Variants in ETV1 observed in about 807,000 individuals in gnomAD.
ETV1 encodes the protein ETS variant transcription factor 1.
A neutral mutation model predicts 62.3 loss-of-function variants in ETV1; 27 were observed. The observed-to-expected ratio is 0.43, with a 90% CI of 0.32 to 0.60. ETV1 has a LOEUF of 0.60. Among genes scored for constraint, ETV1 ranks in the 20% least tolerant of loss-of-function variants. ETV1 has a pLI of 0.06. For synonymous variants in ETV1, 222 were observed against 199.6 expected, an observed-to-expected ratio of 1.11 and a Z score of -0.94; for missense variants, 605 against 605.8, an observed-to-expected ratio of 1.00 and a Z score of 0.01.
chr7:13,940,823 A>T (rs1347924197), intron 6 of ETV1, among the ~76,000 whole-genome samples: 2 of 152,194 alleles, frequency 1.3e-5, no homozygotes, highest in Non-Finnish European at 2.9e-5. Flanking sequence ...AGCTTCAGGA[A>T]AACAAATACT....
intron 13 of ETV1, among the ~76,000 whole-genome samples, chr7:13,897,371 T>C (rs1296797794): frequency 6.6e-6 from 1 of 152,218 alleles, no homozygotes; most frequent in African/African-American, 2.4e-5. Flanking sequence ...AAGTAACAAT[T>C]GTCAATGAAT....
At chr7:13,935,586 G>T in intron 8 of ETV1, 122 bp downstream of exon 8, 1 of 728,944 alleles carries the variant, frequency 1.4e-6, no homozygotes, top group Non-Finnish European at 2.3e-6. Context: ...AAAATATTTT[G>T]CACAGATGTG....
intron 6 of ETV1, among the ~76,000 whole-genome samples, chr7:13,964,390 C>CT (rs1790536319): frequency 6.6e-6 from 1 of 152,040 alleles, no homozygotes; most frequent in Admixed American, 6.6e-5. Flanking sequence ...AGAAAAACAT[C>CT]TTATGGTTTA....
Position 13,960,349 on chromosome 7 carries a change from C to T in ETV1, c.235+17078G>A, listed in dbSNP as rs548596298. 3.9e-5 allele frequency among the ~76,000 whole-genome samples: 6 copies of T among 152,232 alleles called. 1 individual carries two copies. The South Asian group carries it at 1.0e-3, about 26-fold the overall frequency. On this transcript the variant is annotated intron_variant, in intron 6 of 13. Coordinates refer to ENST00000430479, the MANE Select transcript of ETV1 (RefSeq NM_004956.5). ...AAAGTCCTCTGCCCTAAAAACAGTACATAAATTAAGTAGATATTGATACTG... is the reference window on the plus strand; with the variant it reads ...AAAGTCCTCTGCCCTAAAAACAGTATATAAATTAAGTAGATATTGATACTG...
chr7:13,957,024 A>G (rs1416332998), intron 6 of ETV1, among the ~76,000 whole-genome samples: 1 of 152,138 alleles, frequency 6.6e-6, no homozygotes, highest in Non-Finnish European at 1.5e-5. Context: ...CTTTTTTTAA[A>G]ACGTCAAACT....
At chr7:13,930,209 T>C (rs1256535374) in intron 9 of ETV1, among the ~76,000 whole-genome samples, 4 of 152,210 alleles carry the variant, frequency 2.6e-5, no homozygotes, top group Admixed American at 2.0e-4. Flanking sequence ...TGAGATGTGT[T>C]AAAAACAGAT....
At chr7:13,946,203 T>G (rs1788143321) in intron 6 of ETV1, among the ~76,000 whole-genome samples, 1 of 152,210 alleles carries the variant, frequency 6.6e-6, no homozygotes, top group Admixed American at 6.5e-5. Flanking sequence ...AAATCTGCAG[T>G]CTTCCTCTGG....
intron 6 of ETV1, chr7:13,958,814 G>T (rs1051961345): frequency 6.6e-6 from 1 of 152,156 alleles, no homozygotes; most frequent in East Asian, 1.9e-4. Flanking sequence ...ATGAAGATTG[G>T]CTGCATTAAG....
intron 12 of ETV1, among the ~76,000 whole-genome samples, chr7:13,905,116 A>G (rs886539319): frequency 2.0e-5 from 3 of 151,788 alleles, no homozygotes; most frequent in African/African-American, 7.3e-5. Context: ...CTTTTATTTC[A>G]TACTTTCAGT....
intron 12 of ETV1, among the ~76,000 whole-genome samples, chr7:13,903,329 G>A (rs1040108801): frequency 4.6e-5 from 7 of 152,072 alleles, no homozygotes; most frequent in African/African-American, 1.7e-4. Flanking sequence ...AAAATATCAC[G>A]CTTGAATATG....
Position 13,892,936 on chromosome 7 carries a change from T to C in ETV1, c.*2930A>G, listed in dbSNP as rs1352143657. The C allele has an allele frequency of 4.3e-6, 1 of 232,228 alleles. No homozygotes were observed. The allele number at this position is 232,228 out of a possible 1,614,324, so 14.4% of individuals were successfully genotyped here. On this transcript the variant is annotated 3_prime_UTR_variant, in exon 14 of 14. Transcript: ENST00000430479. The stretch of plus-strand genomic sequence containing the variant: ...CCTCCAGAACTATAAGATAAATTTG[T>C]GTAAATTACTGAAGTTGTGGTAATT...
intron 6 of ETV1, among the ~76,000 whole-genome samples, chr7:13,945,326 T>C (rs1788025962): frequency 6.6e-6 from 1 of 152,170 alleles, no homozygotes; most frequent in South Asian, 2.1e-4. Flanking sequence ...TTTCCTTAGA[T>C]GCCAACGCTC....
intron 5 of ETV1, among the ~76,000 whole-genome samples, chr7:13,978,904 C>T (rs1781710204): frequency 6.6e-6 from 1 of 152,010 alleles, no homozygotes; most frequent in African/African-American, 2.4e-5. Flanking sequence ...TTTCTAACAA[C>T]TCTCTTCTGT....
intron 6 of ETV1, among the ~76,000 whole-genome samples, chr7:13,972,838 G>A (rs1013095586): frequency 2.0e-5 from 3 of 151,946 alleles, no homozygotes; most frequent in Non-Finnish European, 4.4e-5. Context: ...TCCAACTCCC[G>A]AGCTCAAGCA....
chr7:13,964,046 C>G (rs1008195111), intron 6 of ETV1, among the ~76,000 whole-genome samples: 1 of 152,052 alleles, frequency 6.6e-6, no homozygotes, highest in African/African-American at 2.4e-5. Flanking sequence ...GCAATGACAT[C>G]CAGCTATTTG....
intron 9 of ETV1, among the ~76,000 whole-genome samples, chr7:13,914,131 C>T (rs571560035): frequency 4.6e-5 from 7 of 151,780 alleles, no homozygotes; most frequent in South Asian, 4.2e-4. Context: ...GTAATCCACC[C>T]GCCTCGGCCT....
chr7:13,900,768 G>A lies in ETV1; in HGVS notation c.1182C>T (p.Arg394=), dbSNP rs772236722. 6.8e-6 allele frequency: 11 copies of A among 1,610,958 alleles called. No homozygotes were observed. The highest frequency in any genetic ancestry group is 4.4e-5 in the South Asian group (4 of 90,180). ...MNYDKLSRSL[R]YYYEKGIMQK... ...GCATAATTCCTTTCTCATAGTAATAGCGGAGTGAACGGCTAAGTTTATCAT... is the reference window on the plus strand; with the variant it reads ...GCATAATTCCTTTCTCATAGTAATAACGGAGTGAACGGCTAAGTTTATCAT... Residue 394 remains arginine, a synonymous_variant, in exon 13 of 14, where the codon CGC becomes CGT. Coordinates refer to ENST00000430479, the MANE Select transcript of ETV1 (RefSeq NM_004956.5).
intron 6 of ETV1, among the ~76,000 whole-genome samples, chr7:13,973,195 T>A (rs948670591): frequency 1.5e-4 from 23 of 152,234 alleles, no homozygotes; most frequent in African/African-American, 4.1e-4. Context: ...ATTTTGCTCT[T>A]CACTCTCTTA....
chr7:13,934,290 A>G (rs1032211175), intron 8 of ETV1, among the ~76,000 whole-genome samples: 1 of 152,246 alleles, frequency 6.6e-6, no homozygotes, highest in Non-Finnish European at 1.5e-5. Context: ...GATGGAACCA[A>G]GGGTGGAAAA....
Sources: allele counts gnomAD v4.1 joint callset (sites outside exome capture counted in the v4.1 genomes callset), GRCh38; gene constraint gnomAD v4.1.1; transcripts MANE v1.5; gene names NCBI Gene and HGNC (gene_info 2026-07-23, HGNC 2026-07-21).